HSDL2: variants seen among roughly 807,000 people sequenced by gnomAD.
HSDL2 encodes the protein hydroxysteroid dehydrogenase-like protein 2.
Under a neutral mutation model 46.3 loss-of-function variants are expected in HSDL2, and 27 were observed. That is an observed-to-expected ratio of 0.58 (90% CI 0.43 to 0.80). The LOEUF (loss-of-function observed/expected upper bound fraction) is 0.80, where lower values mean the gene tolerates loss of function less well. Ranked by LOEUF, HSDL2 falls within the 30% of genes least tolerant of loss-of-function variation. The pLI is 0.00. For synonymous variants in HSDL2, 153 were observed against 163.6 expected (o/e 0.94, Z 0.50); for missense variants, 451 against 502.7 (o/e 0.90, Z 0.98).
At chr9:112,443,164 C>T (rs1200636763) in intron 8 of HSDL2, among the ~76,000 whole-genome samples, 1 of 152,152 alleles carries the variant, frequency 6.6e-6, no homozygotes, top group Non-Finnish European at 1.5e-5. Context: ...GCCCAACGCC[C>T]TAAGGTTGGA....
intron 1 of HSDL2, among the ~76,000 whole-genome samples, chr9:112,386,611 G>A: frequency 7.7e-6 from 1 of 129,974 alleles, no homozygotes; most frequent in Non-Finnish European, 1.7e-5. Flanking sequence ...GTAAGACTCT[G>A]TCTCTACCAA....
chr9:112,389,255 C>T (rs1398010347), intron 1 of HSDL2, among the ~76,000 whole-genome samples: 1 of 152,110 alleles, frequency 6.6e-6, no homozygotes, highest in Admixed American at 6.5e-5. Context: ...GACTTCTGGG[C>T]TCAAGTGATC....
At chr9:112,426,031 G>A (rs537611452) in intron 6 of HSDL2, among the ~76,000 whole-genome samples, 19 of 152,216 alleles carry the variant, frequency 1.2e-4, no homozygotes, top group Middle Eastern at 3.4e-3. Flanking sequence ...GTGAGCTACT[G>A]TGCCCTGCTA....
intron 7 of HSDL2, among the ~76,000 whole-genome samples, 157 bp from the exon 8 acceptor site, chr9:112,441,542 A>T (rs929598757): frequency 3.0e-4 from 46 of 152,210 alleles, no homozygotes; most frequent in African/African-American, 1.1e-3. Context: ...TGAGAAAATT[A>T]ATTTAATGAA....
intron 8 of HSDL2, among the ~76,000 whole-genome samples, chr9:112,449,375 C>T (rs1396581283): frequency 1.3e-5 from 2 of 152,106 alleles, no homozygotes; most frequent in Non-Finnish European, 2.9e-5. Flanking sequence ...GCATGAGCCA[C>T]CACGCCCAGC....
chr9:112,380,533 G>GAGC (rs1434308305), intron 1 of HSDL2, among the ~76,000 whole-genome samples: 2 of 152,150 alleles, frequency 1.3e-5, no homozygotes, highest in Admixed American at 1.3e-4. Context: ...AAGGTCGCAG[G>GAGC]AGCAGCTCCA....
rs183210760 is a variant in HSDL2 at position 112,425,918 on chromosome 9, G to A, written c.598+6960G>A. ...AGTTTTTCAGTTTTTGTGTGTATGT[G>A]TGTGTGGAGATGGGGTCTTGCCATG... On this transcript the variant is annotated intron_variant, in intron 6 of 10. Transcript: ENST00000398805. 3.3e-5 allele frequency among the ~76,000 whole-genome samples: 5 copies of A among 151,968 alleles called. No individual in the cohort carries two copies. In the East Asian group the frequency reaches 9.7e-4, roughly 29 times the overall value.
At chr9:112,456,437 T>A (rs757337767) in intron 9 of HSDL2, among the ~76,000 whole-genome samples, 5 of 152,180 alleles carry the variant, frequency 3.3e-5, no homozygotes, top group Non-Finnish European at 7.3e-5. Context: ...ACTTTCCTTC[T>A]GGAAATGCTC....
intron 6 of HSDL2, among the ~76,000 whole-genome samples, chr9:112,426,069 A>G (rs1377190445): frequency 6.6e-6 from 1 of 152,082 alleles, no homozygotes; most frequent in African/African-American, 2.4e-5. Flanking sequence ...ATATCCAAAC[A>G]TCACATTAGT....
chr9:112,408,072 T>G (rs1174765138), intron 3 of HSDL2, among the ~76,000 whole-genome samples: 7 of 152,214 alleles, frequency 4.6e-5, no homozygotes, highest in African/African-American at 1.7e-4. Context: ...TTGATCCACT[T>G]TGATGATCTG....
intron 10 of HSDL2, among the ~76,000 whole-genome samples, chr9:112,462,627 TGTGTGTGTG>T (rs1487701977): frequency 1.3e-5 from 2 of 151,460 alleles, no homozygotes; most frequent in African/African-American, 4.9e-5. Context: ...TGTGTGTGTG[TGTGTGTGTG>T]TGTGTATAAA....
At chr9:112,391,456 G>A (rs1831342032) in intron 1 of HSDL2, among the ~76,000 whole-genome samples, 1 of 152,058 alleles carries the variant, frequency 6.6e-6, no homozygotes, top group African/African-American at 2.4e-5. Context: ...GGGTGATACA[G>A]AAGACCCAAT....
intron 8 of HSDL2, among the ~76,000 whole-genome samples, chr9:112,452,950 C>G (rs1180682301): frequency 2.0e-5 from 3 of 152,042 alleles, no homozygotes; most frequent in African/African-American, 7.3e-5. Context: ...GCCTGTTAGT[C>G]AGGGGACTAA....
At chr9:112,441,622 T>A in intron 7 of HSDL2, 77 bp from the exon 8 acceptor site, 1 of 892,618 alleles carries the variant, frequency 1.1e-6, no homozygotes, top group Non-Finnish European at 1.8e-6. Flanking sequence ...ATAAAATAGA[T>A]ATGTTTATTA....
At chr9:112,411,747 A>G (rs943432408) in intron 4 of HSDL2, among the ~76,000 whole-genome samples, 1 of 152,186 alleles carries the variant, frequency 6.6e-6, no homozygotes, top group Non-Finnish European at 1.5e-5. Context: ...GTTTGTGTTT[A>G]TTTTCAAATA....
chr9:112,412,137 T>C (rs1831884462), intron 4 of HSDL2, among the ~76,000 whole-genome samples: 1 of 152,174 alleles, frequency 6.6e-6, no homozygotes, highest in Admixed American at 6.5e-5. Context: ...ACATTAAGGA[T>C]TTCAAATTTT....
intron 1 of HSDL2, among the ~76,000 whole-genome samples, chr9:112,383,024 T>C (rs1330000571): frequency 6.6e-6 from 1 of 151,896 alleles, no homozygotes; most frequent in African/African-American, 2.4e-5. Flanking sequence ...TTCTTTTTTT[T>C]GAGATGGAAT....
intron 1 of HSDL2, among the ~76,000 whole-genome samples, chr9:112,398,023 G>A (rs553498161): frequency 2.0e-5 from 3 of 152,298 alleles, no homozygotes; most frequent in African/African-American, 7.2e-5. Flanking sequence ...ACAGGCACAT[G>A]AGATGGACTC....
At chr9:112,415,892 G>C (rs961309053) in intron 4 of HSDL2, among the ~76,000 whole-genome samples, 4 of 152,128 alleles carry the variant, frequency 2.6e-5, no homozygotes, top group African/African-American at 7.2e-5. Flanking sequence ...GGTGGATCAC[G>C]AGGTCAGGAG....
Sources: allele counts gnomAD v4.1 joint callset (sites outside exome capture counted in the v4.1 genomes callset), GRCh38; gene constraint gnomAD v4.1.1; transcripts MANE v1.5; gene names NCBI Gene and HGNC (gene_info 2026-07-23, HGNC 2026-07-21).